GLIS3: variants seen among roughly 807,000 people sequenced by gnomAD.
GLIS3 encodes GLIS family zinc finger 3.
Under a neutral mutation model 78.6 loss-of-function variants are expected in GLIS3, and 53 were observed. The ratio of observed to expected loss-of-function variants is 0.67; its 90% confidence interval spans 0.54 to 0.85. The LOEUF is 0.85. Ranked by LOEUF, GLIS3 falls within the 40% of genes least tolerant of loss-of-function variation. The probability of loss-of-function intolerance (pLI) is 0.00; values close to 1 mark genes in which losing one functional copy is unlikely to be tolerated. For synonymous variants in GLIS3, 684 were observed against 509.9 expected, an observed-to-expected ratio of 1.34 and a Z score of -4.60; for missense variants, 1,703 against 1,231.1, an observed-to-expected ratio of 1.38 and a Z score of -5.74.
At chr9:3,853,178 C>G (rs1013110501) in intron 9 of GLIS3, among the ~76,000 whole-genome samples, 2 of 152,120 alleles carry the variant, frequency 1.3e-5, no homozygotes, top group Admixed American at 6.5e-5. Context: ...GCACTCTAGC[C>G]TTGAGGACAG....
At chr9:3,859,398 CACAT>C (rs1312499884) in intron 8 of GLIS3, among the ~76,000 whole-genome samples, 1 of 84,040 alleles carries the variant, frequency 1.2e-5, no homozygotes, top group Non-Finnish European at 2.7e-5. Flanking sequence ...CACACACACA[CACAT>C]CAAAATGAAT....
chr9:4,396,357 T>G, the GLIS3 span, among the ~76,000 whole-genome samples: 1 of 151,918 alleles, frequency 6.6e-6, no homozygotes, highest in East Asian at 1.9e-4. Context: ...CTCGAACTCC[T>G]GACTCAAGTG....
chr9:3,981,003 C>T (rs148216376), intron 4 of GLIS3, among the ~76,000 whole-genome samples: 14 of 152,288 alleles, frequency 9.2e-5, no homozygotes, highest in Admixed American at 7.2e-4. Flanking sequence ...TGAACTGAAG[C>T]GCTCTTTTGT....
intron 2 of GLIS3, among the ~76,000 whole-genome samples, chr9:4,220,874 A>T (rs1437584675): frequency 6.6e-6 from 1 of 152,106 alleles, no homozygotes; most frequent in Non-Finnish European, 1.5e-5. Flanking sequence ...AATCCCAGCT[A>T]CTCAGGAGGC....
chr9:4,158,548 A>G (rs1835214475), intron 2 of GLIS3, among the ~76,000 whole-genome samples: 1 of 152,238 alleles, frequency 6.6e-6, no homozygotes, highest in Non-Finnish European at 1.5e-5. Flanking sequence ...TGTCCCCGAT[A>G]TGCTGAGATA....
intron 4 of GLIS3, among the ~76,000 whole-genome samples, chr9:3,951,881 C>CACACACACAA (rs1261035632): frequency 1.3e-5 from 2 of 150,616 alleles, no homozygotes; most frequent in African/African-American, 4.9e-5. Context: ...CACACACACA[C>CACACACACAA]ACACGCACGC....
chr9:4,190,621 C>T (rs527581882), intron 2 of GLIS3, among the ~76,000 whole-genome samples: 9 of 151,676 alleles, frequency 5.9e-5, no homozygotes, highest in African/African-American at 2.2e-4. Flanking sequence ...GGATATTATC[C>T]AGGAGAACTT....
At chr9:4,483,684 C>A in the GLIS3 span, among the ~76,000 whole-genome samples, 2 of 149,172 alleles carry the variant, frequency 1.3e-5, no homozygotes, top group Non-Finnish European at 3.0e-5. Flanking sequence ...CATGCCACTG[C>A]GCTTCAGCCT....
At chr9:4,168,886 T>C (rs1247051678) in intron 2 of GLIS3, among the ~76,000 whole-genome samples, 1 of 152,190 alleles carries the variant, frequency 6.6e-6, no homozygotes, top group Non-Finnish European at 1.5e-5. Flanking sequence ...CTGTTTAATC[T>C]AGATTCTGTA....
chr9:4,135,965 G>A lies in GLIS3; in HGVS notation c.389-10024C>T, dbSNP rs548442083. Among the ~76,000 whole-genome samples, 53 of 152,228 alleles carry A rather than the reference G, an allele frequency of 3.5e-4. 1 individual carries two copies. Among genetic ancestry groups the A allele is most frequent in the Middle Eastern group, 3.4e-3 (1 of 294 alleles). ...TGAGATACATTAGTAACAATTTAAT[G>A]AACATATGTGACTGTATGGTGTATT... On this transcript the variant is annotated intron_variant, in intron 2 of 10. Transcript: ENST00000381971.
intron 4 of GLIS3, among the ~76,000 whole-genome samples, chr9:3,947,128 C>T (rs1286423765): frequency 2.0e-5 from 3 of 152,244 alleles, no homozygotes; most frequent in African/African-American, 4.8e-5. Flanking sequence ...CTGTGTTCAA[C>T]GCACATGGGC....
intron 2 of GLIS3, among the ~76,000 whole-genome samples, chr9:4,207,904 A>C (rs1171692191): frequency 3.3e-5 from 5 of 152,206 alleles, no homozygotes; most frequent in Admixed American, 6.5e-5. Context: ...CGCTTTCTTT[A>C]TCTGGCTAAA....
At chr9:4,006,043 C>G (rs1169603998) in intron 4 of GLIS3, among the ~76,000 whole-genome samples, 3 of 152,152 alleles carry the variant, frequency 2.0e-5, no homozygotes, top group African/African-American at 2.4e-5. Context: ...CCTGCTGTTT[C>G]ACTCTGAAAT....
intron 1 of GLIS3, among the ~76,000 whole-genome samples, chr9:4,294,219 G>T (rs532527090): frequency 4.6e-5 from 7 of 152,272 alleles, no homozygotes; most frequent in Admixed American, 1.3e-4. Context: ...TAATATTACA[G>T]AATAATGGGC....
intron 6 of GLIS3, among the ~76,000 whole-genome samples, chr9:3,924,357 G>A (rs963029060): frequency 6.6e-6 from 1 of 152,172 alleles, no homozygotes; most frequent in African/African-American, 2.4e-5. Context: ...CCCCATGTTT[G>A]CCTTTCAAGC....
At chr9:3,984,631 G>A (rs1819581852) in intron 4 of GLIS3, among the ~76,000 whole-genome samples, 1 of 152,164 alleles carries the variant, frequency 6.6e-6, no homozygotes, top group Admixed American at 6.5e-5. Context: ...ATGTTGAAAT[G>A]AGTTAAGACT....
At chr9:4,195,137 A>G (rs531855399) in intron 2 of GLIS3, among the ~76,000 whole-genome samples, 118 of 152,368 alleles carry the variant, frequency 7.7e-4, no homozygotes, top group Admixed American at 2.1e-3. Flanking sequence ...GAGAGGTGAC[A>G]ACATGCTGGC....
intron 2 of GLIS3, among the ~76,000 whole-genome samples, chr9:4,183,824 G>C (rs938601811): frequency 5.9e-5 from 9 of 152,156 alleles, no homozygotes; most frequent in East Asian, 1.9e-4. Context: ...TCACAGGTTA[G>C]TTGTTTACAT....
At chr9:4,247,995 T>C (rs1343708748) in intron 2 of GLIS3, among the ~76,000 whole-genome samples, 1 of 152,210 alleles carries the variant, frequency 6.6e-6, no homozygotes, top group African/African-American at 2.4e-5. Flanking sequence ...TACTCTTGTG[T>C]AGCTGAAACT....
Sources: allele counts gnomAD v4.1 joint callset (sites outside exome capture counted in the v4.1 genomes callset), GRCh38; gene constraint gnomAD v4.1.1; transcripts MANE v1.5; gene names NCBI Gene and HGNC (gene_info 2026-07-23, HGNC 2026-07-21).